The following ASTN1 variants were observed in gnomAD, a reference collection of about 807,000 sequenced individuals.
ASTN1 encodes astrotactin-1.
A neutral mutation model predicts 140.7 loss-of-function variants in ASTN1; 41 were observed. The observed-to-expected ratio is 0.29, with a 90% CI of 0.23 to 0.38. ASTN1 has a LOEUF of 0.38. Among genes scored for constraint, ASTN1 ranks in the 10% least tolerant of loss-of-function variants. ASTN1 has a pLI of 1.00. For synonymous variants in ASTN1, 640 were observed against 652.2 expected (o/e 0.98, Z 0.29); for missense variants, 1,479 against 1,678.8 (o/e 0.88, Z 2.08).
intron 20 of ASTN1, among the ~76,000 whole-genome samples, chr1:176,878,440 G>A (rs1422332863): frequency 6.6e-6 from 1 of 151,778 alleles, no homozygotes; most frequent in Admixed American, 6.6e-5. Context: ...TAAGCTCAGA[G>A]GGGAGCCCCT....
rs745642391 is a variant in ASTN1, at chr1:176,894,824, G to T, written c.2678C>A (p.Ser893Tyr). 6.2e-7 allele frequency: 1 copy of T among 1,613,640 alleles called. No individual in the cohort carries two copies. The highest frequency in any genetic ancestry group is 1.1e-5 in the South Asian group (1 of 91,084). The change falls in exon 17 of 23, where the codon TCC becomes TAC. Residue 893 changes from serine to tyrosine, a missense_variant. This residue lies in a region of ASTN1 where 746 missense variants were observed against 800.9 expected (regional missense o/e 0.93). Transcript: ENST00000361833. ...LEYEDISKGN[S>Y]PSDESEERER... is the part of the protein sequence containing the mutation. ...CCGCTCCTCAGACTCATCTGATGGG[G>T]AGTTGCCTGCAGACACAAAATGGAA... is the stretch of plus-strand genomic sequence containing the variant.
intron 8 of ASTN1, among the ~76,000 whole-genome samples, chr1:176,992,645 T>C (rs920157950): frequency 2.0e-5 from 3 of 152,212 alleles, no homozygotes; most frequent in Admixed American, 2.0e-4. Flanking sequence ...TCTAAGATGA[T>C]TTTTATTGCA....
intron 1 of ASTN1, among the ~76,000 whole-genome samples, chr1:177,101,098 T>TA (rs962463326): frequency 2.9e-4 from 44 of 151,776 alleles, no homozygotes; most frequent in African/African-American, 6.5e-4. Context: ...CTCAAAAAAA[T>TA]AAAAAAAATT....
At chr1:177,026,460 C>T (rs1388915461) in intron 5 of ASTN1, among the ~76,000 whole-genome samples, 2 of 152,160 alleles carry the variant, frequency 1.3e-5, no homozygotes, top group Non-Finnish European at 2.9e-5. Flanking sequence ...CTCTTGCTTA[C>T]AAGCCACACC....
rs143158997 is a variant in ASTN1 at position 177,032,849 on chromosome 1, C to A, written c.472G>T (p.Gly158Cys). 1.9e-6 allele frequency: 3 copies of A among 1,591,806 alleles called. No individual in the cohort carries two copies. Among genetic ancestry groups the A allele is most frequent in the Non-Finnish European group, 2.6e-6 (3 of 1,168,264 alleles). Residue 158 changes from glycine to cysteine, a missense_variant and splice_region_variant, in exon 3 of 23, where the codon GGT becomes TGT. Gly to Cys is a radical substitution (Grantham distance 159). Coordinates refer to ENST00000361833, the MANE Select transcript of ASTN1 (RefSeq NM_004319.3). ...ELRILHISVM[G>C]GMIALLLSIL... is the part of the protein sequence containing the mutation. Reference sequence around the variant, plus strand: ...GACAGCAGCAGAGCGATCATGCCACCCTAGGAAGAGAGGACCACAGATGGA... The same window carrying A: ...GACAGCAGCAGAGCGATCATGCCACACTAGGAAGAGAGGACCACAGATGGA...
At chr1:176,975,882 G>A (rs997101380) in intron 8 of ASTN1, among the ~76,000 whole-genome samples, 1 of 152,112 alleles carries the variant, frequency 6.6e-6, no homozygotes, top group Non-Finnish European at 1.5e-5. Context: ...ACAATAGGTT[G>A]GGAATTGCTG....
chr1:176,980,476 C>A (rs935184561), intron 8 of ASTN1, among the ~76,000 whole-genome samples: 13 of 152,102 alleles, frequency 8.5e-5, no homozygotes, highest in African/African-American at 2.9e-4. Flanking sequence ...GAGACTCTCC[C>A]AAACTCTAGG....
At chr1:177,153,157 C>T (rs922992913) in intron 1 of ASTN1, among the ~76,000 whole-genome samples, 2 of 152,104 alleles carry the variant, frequency 1.3e-5, no homozygotes, top group Admixed American at 1.3e-4. Flanking sequence ...AGATTAATGC[C>T]TTCCTTGGAG....
intron 8 of ASTN1, among the ~76,000 whole-genome samples, chr1:176,997,517 A>G (rs946923003): frequency 6.6e-6 from 1 of 151,912 alleles, no homozygotes; most frequent in African/African-American, 2.4e-5. Flanking sequence ...GGTTGTGAGG[A>G]TATCCTGTGA....
chr1:176,883,121 G>A lies in ASTN1; in HGVS notation c.3227-127C>T, dbSNP rs1404397971. 3.7e-6 allele frequency: 5 copies of A among 1,333,880 alleles called. No homozygotes were observed. The African/African-American group carries it at 4.4e-5, about 12-fold the overall frequency. 82.6% of individuals were successfully genotyped at this position (1,333,880 alleles called of 1,614,324 possible). On this transcript the variant is annotated intron_variant, in intron 19 of 22. Transcript: ENST00000361833. ...GGTCCTCAATCTCTAGAGTAGAGAAGGAGACTTAGAAGGAATGGCCTTTTC... is the reference window on the plus strand; with the variant it reads ...GGTCCTCAATCTCTAGAGTAGAGAAAGAGACTTAGAAGGAATGGCCTTTTC...
At chr1:176,963,878 G>A (rs941049426) in intron 9 of ASTN1, among the ~76,000 whole-genome samples, 1 of 152,206 alleles carries the variant, frequency 6.6e-6, no homozygotes, top group African/African-American at 2.4e-5. Context: ...TCCAAGGAAT[G>A]GAGCTGACAT....
At chr1:177,010,599 A>T (rs1034178727) in intron 8 of ASTN1, among the ~76,000 whole-genome samples, 2 of 152,216 alleles carry the variant, frequency 1.3e-5, no homozygotes, top group Non-Finnish European at 1.5e-5. Flanking sequence ...GTAATTTGCC[A>T]TCTGGACCCT....
chr1:177,148,250 CTACAAAAAA>C (rs1408895962), intron 1 of ASTN1, among the ~76,000 whole-genome samples: 1 of 151,922 alleles, frequency 6.6e-6, no homozygotes, highest in African/African-American at 2.4e-5. Flanking sequence ...AACCCGGTCT[CTACAAAAAA>C]TACAAAAAAT....
At chr1:177,149,765 CTGTATATACATAGTAAATATATATACAG>C (rs1558131652) in intron 1 of ASTN1, among the ~76,000 whole-genome samples, 166 of 78,668 alleles carry the variant, frequency 2.1e-3, no homozygotes, top group African/African-American at 6.0e-3. Flanking sequence ...TATATATACA[CTGTATATACATAGTAAATATATATACAG>C]TGTATATACA....
chr1:176,976,334 T>C (rs1673362399), intron 8 of ASTN1: 1 of 152,158 alleles, frequency 6.6e-6, no homozygotes. Flanking sequence ...TCTTTGTGGG[T>C]AGGGAGTCAG....
intron 2 of ASTN1, among the ~76,000 whole-genome samples, chr1:177,058,808 C>T (rs1035800774): frequency 6.6e-6 from 1 of 150,790 alleles, no homozygotes; most frequent in Non-Finnish European, 1.5e-5. Context: ...TATACCCACC[C>T]CCACAAACAT....
intron 16 of ASTN1, among the ~76,000 whole-genome samples, chr1:176,911,034 G>C (rs776250599): frequency 1.3e-5 from 2 of 152,170 alleles, no homozygotes; most frequent in African/African-American, 2.4e-5. Flanking sequence ...GGGATCACTG[G>C]TGTAGCATAT....
intron 8 of ASTN1, among the ~76,000 whole-genome samples, chr1:177,005,432 T>C (rs1674944324): frequency 6.6e-6 from 1 of 152,126 alleles, no homozygotes; most frequent in Admixed American, 6.6e-5. Context: ...TATCAAAGAA[T>C]TAAAAGTAGA....
intron 1 of ASTN1, among the ~76,000 whole-genome samples, chr1:177,065,337 A>G (rs1678303161): frequency 6.6e-6 from 1 of 152,190 alleles, no homozygotes; most frequent in Non-Finnish European, 1.5e-5. Flanking sequence ...AACTTCCCAG[A>G]ATCTATGGAA....
Sources: allele counts gnomAD v4.1 joint callset (sites outside exome capture counted in the v4.1 genomes callset), GRCh38; gene constraint gnomAD v4.1.1; regional missense constraint gnomAD v4.1.1; transcripts MANE v1.5; gene names NCBI Gene and HGNC (gene_info 2026-07-23, HGNC 2026-07-21).